PADI4: variants seen among roughly 807,000 people sequenced by gnomAD.
The protein encoded by PADI4 is protein-arginine deiminase type-4.
A neutral mutation model predicts 75.0 loss-of-function variants in PADI4; 62 were observed. The observed-to-expected ratio is 0.83, with a 90% CI of 0.67 to 1.02. PADI4 has a LOEUF of 1.02. Ranked by LOEUF, PADI4 falls within the 50% of genes least tolerant of loss-of-function variation. The pLI is 0.00. For missense variants in PADI4, 845 were observed against 850.5 expected, an observed-to-expected ratio of 0.99 and a Z score of 0.08; for synonymous variants, 361 against 348.1, an observed-to-expected ratio of 1.04 and a Z score of -0.41.
At chr1:17,329,837 C>T (rs2074179200) in intron 1 of PADI4, among the ~76,000 whole-genome samples, 1 of 152,154 alleles carries the variant, frequency 6.6e-6, no homozygotes, top group Admixed American at 6.6e-5. Context: ...TTAAGATCCT[C>T]TCTTTGTCTT....
In PADI4 at chr1:17,363,711, C is replaced by G. The variant is rs147723249; in HGVS notation, c.1948C>G (p.Arg650Gly). ...GGAGGTGCACTGCGGCACCAACGTG[C>G]GCAGAAAGCCCTTCTCCTTCAAGTG... ...HGEVHCGTNV[R>G]RKPFSFKWWN... is the part of the protein sequence containing the mutation. The change falls in exon 16 of 16, where the codon CGC (arginine) becomes GGC (glycine). Residue 650 changes from arginine (R) to glycine (G), a missense_variant. Coordinates refer to ENST00000375448, the MANE Select transcript of PADI4 (RefSeq NM_012387.3). 4.2e-5 allele frequency: 67 copies of G among 1,614,108 alleles called. No individual in the cohort carries two copies. Among genetic ancestry groups the G allele is most frequent in the Non-Finnish European group, 4.8e-5 (57 of 1,179,920 alleles).
intron 1 of PADI4, among the ~76,000 whole-genome samples, chr1:17,329,635 A>G (rs2074175619): frequency 1.3e-5 from 2 of 152,166 alleles, no homozygotes; most frequent in Non-Finnish European, 2.9e-5. Flanking sequence ...GGGGTGGCAG[A>G]GGAGGAAGGA....
At chr1:17,316,702 TAAATA>T (rs1557539535) in intron 1 of PADI4, among the ~76,000 whole-genome samples, 4 of 146,988 alleles carry the variant, frequency 2.7e-5, no homozygotes, top group African/African-American at 1.0e-4. Flanking sequence ...AATAAATAAA[TAAATA>T]AATTAATTAA....
intron 8 of PADI4, 58 bp from the exon 9 acceptor site, chr1:17,345,969 CT>C (rs2074507802): frequency 8.6e-7 from 1 of 1,167,974 alleles, no homozygotes; most frequent in African/African-American, 1.5e-5. Flanking sequence ...CCTCCCAATC[CT>C]TCCAGGCTGA....
intron 6 of PADI4, among the ~76,000 whole-genome samples, chr1:17,341,282 G>A (rs1262252695): frequency 6.6e-6 from 1 of 152,056 alleles, no homozygotes; most frequent in African/African-American, 2.4e-5. Context: ...TGTGTTTTTA[G>A]TAGAGATGGG....
chr1:17,341,379 G>A (rs1179027391), intron 6 of PADI4, among the ~76,000 whole-genome samples: 3 of 152,164 alleles, frequency 2.0e-5, no homozygotes, highest in Non-Finnish European at 2.9e-5. Flanking sequence ...GATTACAGGC[G>A]TAAGCCACCA....
chr1:17,331,356 A>C (rs545562271), intron 2 of PADI4, among the ~76,000 whole-genome samples: 53 of 152,066 alleles, frequency 3.5e-4, no homozygotes, highest in Non-Finnish European at 6.0e-4. Context: ...TTTAGATTAA[A>C]CTCTATTCAG....
chr1:17,322,489 C>CG (rs1222248691), intron 1 of PADI4, among the ~76,000 whole-genome samples: 4 of 120,962 alleles, frequency 3.3e-5, no homozygotes, highest in African/African-American at 9.7e-5. Context: ...ACTCCATCCC[C>CG]CCCCAAAAAA....
At chr1:17,347,465 A>G (rs780383152) in intron 9 of PADI4, among the ~76,000 whole-genome samples, 1 of 152,294 alleles carries the variant, frequency 6.6e-6, no homozygotes, top group Non-Finnish European at 1.5e-5. Flanking sequence ...CCAGTGGCCC[A>G]GGCTGGGTCT....
intron 4 of PADI4, 86 bp from the exon 5 acceptor site, chr1:17,337,952 G>C: frequency 1.6e-6 from 1 of 607,066 alleles, no homozygotes; most frequent in East Asian, 2.9e-5. Context: ...TTAAAAAAGA[G>C]GTGATGGGGA....
At chr1:17,339,836 C>G in intron 6 of PADI4, 23 bp downstream of exon 6, 1 of 1,577,538 alleles carries the variant, frequency 6.3e-7, no homozygotes, top group Non-Finnish European at 8.6e-7. Context: ...CATCTTTGTT[C>G]CCCTCCTGCC....
intron 1 of PADI4, among the ~76,000 whole-genome samples, chr1:17,329,158 C>G (rs1191131899): frequency 1.3e-5 from 2 of 148,750 alleles, no homozygotes; most frequent in South Asian, 2.1e-4. Context: ...TACAACTGAC[C>G]CTTGAATAAC....
chr1:17,321,990 C>T (rs762517011), intron 1 of PADI4, among the ~76,000 whole-genome samples: 3 of 152,158 alleles, frequency 2.0e-5, no homozygotes, highest in Non-Finnish European at 2.9e-5. Context: ...ACACCATTTT[C>T]GTGTGAGGCA....
chr1:17,363,424 G>A (rs1202059346), intron 15 of PADI4, 98 bp from the exon 16 acceptor site: 4 of 777,164 alleles, frequency 5.1e-6, no homozygotes, highest in African/African-American at 1.7e-5. Context: ...CCCCTGGAGG[G>A]GCTATTATTT....
At chr1:17,334,571 C>T (rs923868101) in intron 3 of PADI4, 4 of 455,354 alleles carry the variant, frequency 8.8e-6, no homozygotes, top group Admixed American at 4.7e-5. Context: ...CCAAAGTGCT[C>T]GGATTACTGG....
At chr1:17,317,183 C>T (rs2073955548) in intron 1 of PADI4, among the ~76,000 whole-genome samples, 1 of 152,178 alleles carries the variant, frequency 6.6e-6, no homozygotes, top group South Asian at 2.1e-4. Context: ...GCCTCAGCTT[C>T]CCAAAGTGCT....
intron 10 of PADI4, among the ~76,000 whole-genome samples, chr1:17,351,349 G>A (rs12730340): frequency 0.013 from 2,036 of 151,464 alleles, 23 homozygotes; most frequent in Non-Finnish European, 0.02. Context: ...CCAGCACTTC[G>A]GGAGGCCAAG....
At chr1:17,315,404 C>T (rs1306892276) in intron 1 of PADI4, among the ~76,000 whole-genome samples, 1 of 152,164 alleles carries the variant, frequency 6.6e-6, no homozygotes, top group Non-Finnish European at 1.5e-5. Flanking sequence ...TTTGCATCCC[C>T]TATAATGTGT....
Position 17,316,563 on chromosome 1 carries a change from G to A in PADI4, c.92+8249G>A, listed in dbSNP as rs937917723. On this transcript the variant is annotated intron_variant, in intron 1 of 15. Coordinates refer to ENST00000375448, the MANE Select transcript of PADI4 (RefSeq NM_012387.3). ...AAATTAGCCAGGCCTGGTGGCGGGC[G>A]CCTGTAGTCCCAGCTACTTGGGAGG... is the stretch of plus-strand genomic sequence containing the variant. Among the ~76,000 whole-genome samples, 12 of 151,404 alleles carry A rather than the reference G, an allele frequency of 7.9e-5. No homozygotes were observed. The South Asian group carries it at 8.3e-4, about 11-fold the overall frequency.
Sources: allele counts gnomAD v4.1 joint callset (sites outside exome capture counted in the v4.1 genomes callset), GRCh38; gene constraint gnomAD v4.1.1; transcripts MANE v1.5; gene names NCBI Gene and HGNC (gene_info 2026-07-23, HGNC 2026-07-21).